PIEZO2: variants seen among roughly 807,000 people sequenced by gnomAD.
PIEZO2 encodes piezo type mechanosensitive ion channel component 2, also known as piezo-type mechanosensitive ion channel component 2.
PIEZO2 carries 172 observed loss-of-function variants against 337.3 expected under a neutral mutation model. The ratio of observed to expected loss-of-function variants is 0.51; its 90% confidence interval spans 0.45 to 0.58. The LOEUF (loss-of-function observed/expected upper bound fraction) is 0.58, where lower values mean the gene tolerates loss of function less well. Among genes scored for constraint, PIEZO2 ranks in the 20% least tolerant of loss-of-function variants. PIEZO2 has a pLI of 0.00. For synonymous variants in PIEZO2, 1,251 were observed against 1,228.5 expected (o/e 1.02, Z -0.38); for missense variants, 3,028 against 3,391.3 (o/e 0.89, Z 2.66).
intron 33 of PIEZO2, chr18:10,738,473 T>C (rs1487618194): frequency 1.3e-5 from 2 of 152,116 alleles, no homozygotes; most frequent in Non-Finnish European, 2.9e-5. Flanking sequence ...AATTATCACA[T>C]AAGAAAAAAG....
chr18:10,976,641 G>C (rs1221496113), intron 3 of PIEZO2, among the ~76,000 whole-genome samples: 1 of 152,160 alleles, frequency 6.6e-6, no homozygotes, highest in East Asian at 1.9e-4. Context: ...AAAAGGAAAG[G>C]GAAGATGTTA....
At chr18:10,814,029 T>G (rs1039658128) in intron 7 of PIEZO2, among the ~76,000 whole-genome samples, 1 of 151,704 alleles carries the variant, frequency 6.6e-6, no homozygotes, top group Non-Finnish European at 1.5e-5. Context: ...GTGCAGTGGC[T>G]CAATCTCGGC....
intron 1 of PIEZO2, among the ~76,000 whole-genome samples, chr18:11,088,873 G>A (rs2038987931): frequency 6.6e-6 from 1 of 152,178 alleles, no homozygotes; most frequent in Non-Finnish European, 1.5e-5. Flanking sequence ...GAAGCAAATG[G>A]AAAATATCCA....
In PIEZO2 at chr18:10,720,403, GTATGTGTATGTGTATGTATATATATA is replaced by G. The variant is rs1353678821; in HGVS notation, c.5030-2170_5030-2145del. On this transcript the variant is annotated intron_variant, in intron 36 of 55. Transcript: ENST00000674853. ...TGTGTGTGTGTGTGTGTGTGTGTGT[GTATGTGTATGTGTATGTATATATATA>G]TATATATATATATATATATATATAT... 6.6e-3 allele frequency among the ~76,000 whole-genome samples: 113 copies of G among 17,010 alleles called. 4 individuals carry two copies. The Middle Eastern group carries it at 0.083, about 13-fold the overall frequency. The allele number at this position is 17,010 out of a possible 152,430, so 11.2% of individuals were successfully genotyped here.
At chr18:10,849,048 C>A (rs891602576) in intron 7 of PIEZO2, among the ~76,000 whole-genome samples, 1 of 152,220 alleles carries the variant, frequency 6.6e-6, no homozygotes, top group Non-Finnish European at 1.5e-5. Flanking sequence ...GCTCTGTCAC[C>A]TAAGCTGGAG....
At chr18:10,910,627 A>G (rs750653943) in intron 4 of PIEZO2, among the ~76,000 whole-genome samples, 4 of 152,138 alleles carry the variant, frequency 2.6e-5, no homozygotes, top group Admixed American at 6.5e-5. Flanking sequence ...AAAGAAAGGA[A>G]AAGAAAAGAA....
intron 17 of PIEZO2, among the ~76,000 whole-genome samples, chr18:10,782,336 A>AATTATAATATATTATAATTATATAT (rs2039033940): frequency 1.7e-4 from 5 of 28,674 alleles, no homozygotes; most frequent in Admixed American, 7.0e-4. Flanking sequence ...ATTATATATA[A>AATTATAATATATTATAATTATATAT]ATAATTATAA....
At chr18:10,914,177 G>A (rs1040686570) in intron 3 of PIEZO2, among the ~76,000 whole-genome samples, 7 of 151,998 alleles carry the variant, frequency 4.6e-5, no homozygotes, top group Non-Finnish European at 1.5e-5. Flanking sequence ...TCCAACACGG[G>A]GAAAGTAGAG....
chr18:10,744,139 T>C lies in PIEZO2; in HGVS notation c.4514+3A>G, dbSNP rs1415538638. On this transcript the variant is annotated splice_donor_region_variant and intron_variant, in intron 31 of 55. Coordinates refer to ENST00000674853, the MANE Select transcript of PIEZO2 (RefSeq NM_001378183.1). ...GGAGGATGAGCATCAATAGCATCCT[T>C]ACTGTCGCTTCAGCTGGTCCATGGA... 17 of 1,526,584 alleles carry C rather than the reference T, an allele frequency of 1.1e-5. No individual in the cohort carries two copies. The highest frequency in any genetic ancestry group is 1.3e-5 in the Non-Finnish European group (15 of 1,137,402). The allele number at this position is 1,526,584 out of a possible 1,614,324, so 94.6% of individuals were successfully genotyped here.
In PIEZO2 at chr18:10,819,920, C is replaced by T. The variant is rs1012156456; in HGVS notation, c.918-12646G>A. ...TATCTTTATTTGACCTTCATTTCTTCTACCTACATTCTCAGATACAGAATT... is the reference window on the plus strand; with the variant it reads ...TATCTTTATTTGACCTTCATTTCTTTTACCTACATTCTCAGATACAGAATT... On this transcript the variant is annotated intron_variant, in intron 7 of 55. Transcript: ENST00000674853. The surrounding 1 kb of genome is among the most constrained non-coding windows in gnomAD (Gnocchi z 4.3). Among the ~76,000 whole-genome samples, 1 of 152,168 alleles carries T rather than the reference C, an allele frequency of 6.6e-6. No individual in the cohort carries two copies. Among genetic ancestry groups the T allele is most frequent in the Admixed American group, 6.5e-5 (1 of 15,270 alleles).
intron 1 of PIEZO2, among the ~76,000 whole-genome samples, chr18:11,135,347 G>A (rs2040451136): frequency 1.3e-5 from 2 of 152,168 alleles, no homozygotes; most frequent in African/African-American, 4.8e-5. Flanking sequence ...GTACGATTCT[G>A]GTGGGGAATG....
At chr18:10,893,186 T>C (rs1207001429) in intron 4 of PIEZO2, among the ~76,000 whole-genome samples, 2 of 152,220 alleles carry the variant, frequency 1.3e-5, no homozygotes, top group African/African-American at 4.8e-5. Context: ...GTTAATGAGA[T>C]ATTCTCCTAA....
rs1426376996 is a variant in PIEZO2 at position 11,078,574 on chromosome 18, G to A, written c.65-12352C>T. On this transcript the variant is annotated intron_variant, in intron 1 of 55. Coordinates refer to ENST00000674853, the MANE Select transcript of PIEZO2 (RefSeq NM_001378183.1). This position sits in a 1 kb window ranked among gnomAD's most constrained non-coding sequence, Gnocchi z 5.3. ...CTTCCCTGACATATATGGAACTATC[G>A]CTTTTGCTTTCAAATATTTCTGTTG... 6.6e-6 allele frequency among the ~76,000 whole-genome samples: 1 copy of A among 152,076 alleles called. No individual in the cohort carries two copies. Among genetic ancestry groups the A allele is most frequent in the Non-Finnish European group, 1.5e-5 (1 of 68,020 alleles).
chr18:10,762,746 C>T, intron 22 of PIEZO2, 121 bp from the exon 23 acceptor site: 1 of 1,339,324 alleles, frequency 7.5e-7, no homozygotes, highest in Non-Finnish European at 1.0e-6. Context: ...AGGCCCATTT[C>T]AGGGGAGACC....
At chr18:11,142,730 G>A (rs944802595) in intron 1 of PIEZO2, among the ~76,000 whole-genome samples, 4 of 143,682 alleles carry the variant, frequency 2.8e-5, no homozygotes, top group South Asian at 2.3e-4. Context: ...GCAGTGGGCC[G>A]AGATCGTGCC....
At chr18:10,839,404 T>C (rs73394736) in intron 7 of PIEZO2, among the ~76,000 whole-genome samples, 4,061 of 152,290 alleles carry the variant, frequency 0.027, 180 homozygotes, top group African/African-American at 0.093. Context: ...TCCAGATAAA[T>C]AGGATATCAC....
Position 10,924,803 on chromosome 18 carries a change from G to A in PIEZO2, c.287-13575C>T, listed in dbSNP as rs11877157. Among the ~76,000 whole-genome samples the A allele has an allele frequency of 8.3e-3, 1,259 of 152,222 alleles. 26 individuals are homozygous for A. The highest frequency in any genetic ancestry group is 0.028 in the African/African-American group (1,167 of 41,548). The stretch of plus-strand genomic sequence containing the variant: ...TATTCCTTGGGGCATCTTATAAGGC[G>A]TTACAATTGCTTTGTACAGCTTGTG... On this transcript the variant is annotated intron_variant, in intron 3 of 55. Coordinates refer to ENST00000674853, the MANE Select transcript of PIEZO2 (RefSeq NM_001378183.1).
intron 54 of PIEZO2, among the ~76,000 whole-genome samples, chr18:10,674,555 C>G (rs187497441): frequency 3.9e-4 from 60 of 152,368 alleles, no homozygotes; most frequent in Admixed American, 2.3e-3. Context: ...TAGCTAAACA[C>G]AGCAGCACGG....
At position 10,837,116 on chromosome 18, in the gene PIEZO2, C is replaced by T. The variant is rs539473330; in HGVS notation, c.917+18237G>A. Reference sequence around the variant, plus strand: ...AGAAACACTCTTCGCACAGGGATTGCTCACAACTCTTTCCATGCCAAGAAG... The same window carrying T: ...AGAAACACTCTTCGCACAGGGATTGTTCACAACTCTTTCCATGCCAAGAAG... On this transcript the variant is annotated intron_variant, in intron 7 of 55. Transcript: ENST00000674853. The surrounding 1 kb of genome is among the most constrained non-coding windows in gnomAD (Gnocchi z 4.4). Among the ~76,000 whole-genome samples, 1 of 152,310 alleles carries T rather than the reference C, an allele frequency of 6.6e-6. No homozygotes were observed. Among genetic ancestry groups the T allele is most frequent in the East Asian group, 1.9e-4 (1 of 5,182 alleles).
Sources: allele counts gnomAD v4.1 joint callset (sites outside exome capture counted in the v4.1 genomes callset), GRCh38; gene constraint gnomAD v4.1.1; non-coding constraint Gnocchi (gnomAD v3.1); transcripts MANE v1.5; gene names NCBI Gene and HGNC (gene_info 2026-07-23, HGNC 2026-07-21).